Variants in CNTNAP5 observed in about 807,000 individuals in gnomAD.
CNTNAP5 encodes the protein contactin-associated protein-like 5.
CNTNAP5 carries 72 observed loss-of-function variants against 150.2 expected under a neutral mutation model. That is an observed-to-expected ratio of 0.48 (90% CI 0.40 to 0.58). The LOEUF (loss-of-function observed/expected upper bound fraction) is 0.58, where lower values mean the gene tolerates loss of function less well. Among genes scored for constraint, CNTNAP5 ranks in the 20% least tolerant of loss-of-function variants. The probability of loss-of-function intolerance (pLI) is 0.00; values close to 1 mark genes in which losing one functional copy is unlikely to be tolerated. For synonymous variants in CNTNAP5, 672 were observed against 619.8 expected (o/e 1.08, Z -1.25); for missense variants, 1,636 against 1,626.2 (o/e 1.01, Z -0.10).
At chr2:124,734,579 C>T (rs1390668960) in intron 13 of CNTNAP5, among the ~76,000 whole-genome samples, 1 of 151,898 alleles carries the variant, frequency 6.6e-6, no homozygotes, top group Non-Finnish European at 1.5e-5. Context: ...ATCACATGCA[C>T]ACTAGATTTA....
intron 11 of CNTNAP5, among the ~76,000 whole-genome samples, chr2:124,579,439 T>A (rs1696362964): frequency 6.6e-6 from 1 of 152,214 alleles, no homozygotes; most frequent in South Asian, 2.1e-4. Flanking sequence ...ATACATCACA[T>A]CAGGTATTAT....
chr2:124,379,469 T>C (rs1026537681), intron 3 of CNTNAP5, among the ~76,000 whole-genome samples: 1 of 152,166 alleles, frequency 6.6e-6, no homozygotes, highest in African/African-American at 2.4e-5. Flanking sequence ...TTCCTCCATG[T>C]CTTTTCATGG....
intron 3 of CNTNAP5, among the ~76,000 whole-genome samples, chr2:124,345,735 T>C (rs995513004): frequency 6.6e-6 from 1 of 152,178 alleles, no homozygotes; most frequent in African/African-American, 2.4e-5. Flanking sequence ...TGAAGTGACA[T>C]TGCCACAATG....
At chr2:124,224,269 A>G (rs1344659317) in intron 2 of CNTNAP5, among the ~76,000 whole-genome samples, 19 of 152,124 alleles carry the variant, frequency 1.2e-4, no homozygotes, top group Non-Finnish European at 1.5e-5. Context: ...TTTGTCAGGC[A>G]TTGTTCTAGA....
At chr2:124,137,475 C>T (rs752665540) in intron 1 of CNTNAP5, among the ~76,000 whole-genome samples, 14 of 151,998 alleles carry the variant, frequency 9.2e-5, no homozygotes, top group Non-Finnish European at 1.6e-4. Context: ...AAACTATGAG[C>T]CCATTTACCC....
intron 1 of CNTNAP5, among the ~76,000 whole-genome samples, chr2:124,113,933 A>G (rs1337052957): frequency 3.3e-5 from 5 of 151,806 alleles, no homozygotes; most frequent in Non-Finnish European, 7.4e-5. Context: ...CTCTATATAT[A>G]TATATATGTC....
Position 124,706,686 on chromosome 2 carries a change from G to A in CNTNAP5, c.2078-40543G>A, listed in dbSNP as rs1679644767. Among the ~76,000 whole-genome samples the A allele has an allele frequency of 6.0e-5, 9 of 151,212 alleles. No homozygotes were observed. The South Asian group carries it at 1.9e-3, about 32-fold the overall frequency. On this transcript the variant is annotated intron_variant, in intron 13 of 23. Transcript: ENST00000682447. ...GACTTGAACCTGGGAGGTGGAGGTT[G>A]CAGTGAGCTGAGATTATACCACTAC...
intron 1 of CNTNAP5, among the ~76,000 whole-genome samples, chr2:124,206,070 T>G (rs1331982326): frequency 6.6e-6 from 1 of 152,242 alleles, no homozygotes; most frequent in Non-Finnish European, 1.5e-5. Flanking sequence ...ATTCTGAAAT[T>G]GATCCCAAGA....
intron 18 of CNTNAP5, among the ~76,000 whole-genome samples, chr2:124,795,290 G>A (rs1185245101): frequency 6.6e-6 from 1 of 152,076 alleles, no homozygotes; most frequent in Non-Finnish European, 1.5e-5. Context: ...AGGCCCCATG[G>A]AGGCTCAGAG....
rs776809923 is a variant in CNTNAP5, at chr2:124,790,155, T to C, written c.2992+14T>C. 10 of 1,595,946 alleles carry C rather than the reference T, an allele frequency of 6.3e-6. No homozygotes were observed. Among genetic ancestry groups the C allele is most frequent in the Middle Eastern group, 1.7e-4 (1 of 5,980 alleles). On this transcript the variant is annotated intron_variant, in intron 18 of 23. Transcript: ENST00000682447. ...TTTGCAAAAAAGGTACCTTAGGCGC[T>C]CCTGTTTCTCCTGAGTGCAGTGCTG...
chr2:124,525,180 T>G (rs1171762080), intron 9 of CNTNAP5, among the ~76,000 whole-genome samples: 1 of 152,218 alleles, frequency 6.6e-6, no homozygotes, highest in Non-Finnish European at 1.5e-5. Context: ...AAAAGTATTT[T>G]TCATTAAAAA....
At chr2:124,763,246 G>A (rs1680996337) in intron 14 of CNTNAP5, among the ~76,000 whole-genome samples, 1 of 152,140 alleles carries the variant, frequency 6.6e-6, no homozygotes, top group Admixed American at 6.6e-5. Flanking sequence ...CTGTTGGCAG[G>A]TGGCTGAAAC....
intron 12 of CNTNAP5, among the ~76,000 whole-genome samples, chr2:124,619,498 T>C (rs1313987765): frequency 6.6e-6 from 1 of 152,084 alleles, no homozygotes; most frequent in African/African-American, 2.4e-5. Flanking sequence ...ATTTTATGTA[T>C]CAACTTGGCT....
At chr2:124,438,340 G>A (rs1225304830) in intron 5 of CNTNAP5, among the ~76,000 whole-genome samples, 1 of 152,124 alleles carries the variant, frequency 6.6e-6, no homozygotes, top group Non-Finnish European at 1.5e-5. Flanking sequence ...AATTACAATA[G>A]TCTGAACCCA....
chr2:124,653,832 AAAT>A (rs1376027559), intron 13 of CNTNAP5, among the ~76,000 whole-genome samples: 1 of 152,062 alleles, frequency 6.6e-6, no homozygotes, highest in Non-Finnish European at 1.5e-5. Flanking sequence ...TGGGGAGTGA[AAAT>A]AAAACACTGA....
intron 13 of CNTNAP5, among the ~76,000 whole-genome samples, chr2:124,690,282 T>G (rs1226129563): frequency 6.6e-6 from 1 of 152,136 alleles, no homozygotes; most frequent in African/African-American, 2.4e-5. Context: ...GTGGTCTTAC[T>G]ACAAGTCAAC....
At chr2:124,365,279 G>T (rs1690342167) in intron 3 of CNTNAP5, among the ~76,000 whole-genome samples, 1 of 149,488 alleles carries the variant, frequency 6.7e-6, no homozygotes, top group Admixed American at 6.7e-5. Context: ...TTATGCCACT[G>T]CACCTCAGCC....
Position 124,446,908 on chromosome 2 carries a change from G to T in CNTNAP5, c.889G>T (p.Glu297Ter). 1 of 1,613,848 alleles carries T rather than the reference G, an allele frequency of 6.2e-7. No homozygotes were observed. The highest frequency in any genetic ancestry group is 8.5e-7 in the Non-Finnish European group (1 of 1,179,800). ...CACACAGCACTTCCGCACCAAGGGC[G>T]AGACGGATGCCTTAGACATTGACTA... ...KHTQHFRTKG[E>*]TDALDIDYEL... The change falls in exon 6 of 24, where the codon GAG (glutamate) becomes TAG (stop). Residue 297 changes from glutamate (E) to a stop codon, truncating the protein, a stop_gained. Coordinates refer to ENST00000682447, the MANE Select transcript of CNTNAP5 (RefSeq NM_001367498.1). LOFTEE classifies it high-confidence loss of function.
chr2:124,458,446 C>T (rs1693172716), intron 6 of CNTNAP5, among the ~76,000 whole-genome samples: 1 of 151,578 alleles, frequency 6.6e-6, no homozygotes, highest in Non-Finnish European at 1.5e-5. Flanking sequence ...TCTGTTCCTA[C>T]TCGTATGTGG....
Sources: gnomAD v4.1 joint callset for allele counts (sites outside exome capture counted in the v4.1 genomes callset) on GRCh38, gnomAD v4.1.1 for gene constraint, MANE v1.5 for transcripts, NCBI Gene and HGNC (gene_info 2026-07-23, HGNC 2026-07-21) for gene names.